The following ZNF830 variants were observed in gnomAD, a reference collection of about 807,000 sequenced individuals.
ZNF830 encodes the protein zinc finger protein 830.
ZNF830 carries 15 observed loss-of-function variants against 28.1 expected under a neutral mutation model. The ratio of observed to expected loss-of-function variants is 0.53; its 90% CI spans 0.36 to 0.82. The LOEUF (loss-of-function observed/expected upper bound fraction) is 0.82, where lower values mean the gene tolerates loss of function less well. ZNF830 is among the 40% of genes least tolerant of loss of function. The pLI, the probability that ZNF830 is intolerant of heterozygous loss-of-function variation, is 0.01. For synonymous variants in ZNF830, 208 were observed against 185.3 expected (o/e 1.12, Z -0.99); for missense variants, 456 against 467.7 (o/e 0.97, Z 0.23).
Position 34,962,589 on chromosome 17 carries a change from G to T in ZNF830, c.1023G>T (p.Leu341=). 2 of 1,613,680 alleles carry T rather than the reference G, an allele frequency of 1.2e-6. No homozygotes were observed. Among genetic ancestry groups the T allele is most frequent in the African/African-American group, 1.3e-5 (1 of 74,924 alleles). ...KLKEILTIKE[L]QKKEEENADS... ...AAGAAATCCTGACCATAAAAGAACT[G>T]CAGAAAAAGGAAGAAGAGAATGCTG... Residue 341 remains leucine, a synonymous_variant, in exon 1 of 1, where the codon CTG becomes CTT. Transcript: ENST00000361952.
In ZNF830 at chr17:34,961,810, C is replaced by T; in HGVS notation, c.244C>T (p.Leu82=). ...GKQHREKVAE[L]KGAKEASQGS... is the part of the protein sequence containing the mutation. ...GCAGCACCGAGAGAAAGTGGCCGAG[C>T]TGAAAGGCGCGAAGGAAGCCAGCCA... The change falls in exon 1 of 1, where the codon CTG becomes TTG. Residue 82 remains leucine (L), a synonymous_variant. Coordinates refer to ENST00000361952, the MANE Select transcript of ZNF830 (RefSeq NM_052857.4). 2.5e-6 allele frequency: 4 copies of T among 1,613,944 alleles called. No individual in the cohort carries two copies. Among genetic ancestry groups the T allele is most frequent in the Non-Finnish European group, 3.4e-6 (4 of 1,180,006 alleles).
Position 34,962,378 on chromosome 17 carries a change from A to C in ZNF830, c.812A>C (p.Asp271Ala). Residue 271 changes from aspartate to alanine, a missense_variant, in exon 1 of 1, where the codon GAC becomes GCC. Coordinates refer to ENST00000361952, the MANE Select transcript of ZNF830 (RefSeq NM_052857.4). ...RKVDAPKDQMDKEWDEFQKAM... is the reference protein window; with the variant it reads ...RKVDAPKDQMAKEWDEFQKAM... ...GTTGATGCTCCAAAAGATCAGATGGACAAAGAGTGGGACGAATTCCAAAAA... is the reference window on the plus strand; with the variant it reads ...GTTGATGCTCCAAAAGATCAGATGGCCAAAGAGTGGGACGAATTCCAAAAA... 1 of 1,614,166 alleles carries C rather than the reference A, an allele frequency of 6.2e-7. No individual in the cohort carries two copies. Among genetic ancestry groups the C allele is most frequent in the Non-Finnish European group, 8.5e-7 (1 of 1,180,044 alleles).
At position 34,962,419 on chromosome 17, in the gene ZNF830, A is replaced by G. The variant is rs374059343; in HGVS notation, c.853A>G (p.Asn285Asp). Reference protein sequence around the residue: ...DEFQKAMRQVNTISEAIVAEE... With the variant: ...DEFQKAMRQVDTISEAIVAEE... ...ATTCCAAAAAGCCATGAGGCAGGTC[A>G]ACACTATTTCCGAAGCCATAGTTGC... Residue 285 changes from asparagine (N) to aspartate (D), a missense_variant, in exon 1 of 1, where the codon AAC becomes GAC. This residue lies in a region of ZNF830 where 125 missense variants were observed against 177.7 expected (regional missense o/e 0.70). Coordinates refer to ENST00000361952, the MANE Select transcript of ZNF830 (RefSeq NM_052857.4). The G allele has an allele frequency of 7.2e-5, 117 of 1,614,100 alleles. No individual in the cohort carries two copies. Among genetic ancestry groups the G allele is most frequent in the Non-Finnish European group, 9.7e-5 (114 of 1,180,054 alleles).
rs2090434930 is a variant in ZNF830 at position 34,962,780 on chromosome 17, G to A, written c.*95G>A. The A allele has an allele frequency of 6.8e-7, 1 of 1,477,568 alleles. No homozygotes were observed. The highest frequency in any genetic ancestry group is 1.4e-5 in the African/African-American group (1 of 70,256). The allele number at this position is 1,477,568 out of a possible 1,614,324, so 91.5% of individuals were successfully genotyped here. Reference sequence around the variant, plus strand: ...GCGGTTACTTCATGCCTCAAGATTTGGGTACCTGGATTGCTAAACTGGATT... The same window carrying A: ...GCGGTTACTTCATGCCTCAAGATTTAGGTACCTGGATTGCTAAACTGGATT... On this transcript the variant is annotated 3_prime_UTR_variant, in exon 1 of 1. Coordinates refer to ENST00000361952, the MANE Select transcript of ZNF830 (RefSeq NM_052857.4).
Position 34,962,782 on chromosome 17 carries a change from G to T in ZNF830, c.*97G>T. 6.8e-7 allele frequency: 1 copy of T among 1,476,264 alleles called. No individual in the cohort carries two copies. Among genetic ancestry groups the T allele is most frequent in the Non-Finnish European group, 9.0e-7 (1 of 1,116,024 alleles). The allele number at this position is 1,476,264 out of a possible 1,614,324, so 91.4% of individuals were successfully genotyped here. ...GGTTACTTCATGCCTCAAGATTTGG[G>T]TACCTGGATTGCTAAACTGGATTGT... On this transcript the variant is annotated 3_prime_UTR_variant, in exon 1 of 1. Transcript: ENST00000361952.
chr17:34,962,399 A>G lies in ZNF830; in HGVS notation c.833A>G (p.Gln278Arg), dbSNP rs2090431373. Residue 278 changes from glutamine to arginine, a missense_variant, in exon 1 of 1, where the codon CAA (glutamine) becomes CGA (arginine). Gln to Arg is a conservative substitution (Grantham distance 43, BLOSUM62 1). This residue lies in a region of ZNF830 where 125 missense variants were observed against 177.7 expected (regional missense o/e 0.70). Transcript: ENST00000361952. ...DQMDKEWDEF[Q>R]KAMRQVNTIS... Reference sequence around the variant, plus strand: ...ATGGACAAAGAGTGGGACGAATTCCAAAAAGCCATGAGGCAGGTCAACACT... The same window carrying G: ...ATGGACAAAGAGTGGGACGAATTCCGAAAAGCCATGAGGCAGGTCAACACT... The G allele has an allele frequency of 6.2e-7, 1 of 1,614,110 alleles. No individual in the cohort carries two copies. Among genetic ancestry groups the G allele is most frequent in the African/African-American group, 1.3e-5 (1 of 74,930 alleles).
Position 34,962,762 on chromosome 17 carries a change from C to G in ZNF830, c.*77C>G, listed in dbSNP as rs2090434832. On this transcript the variant is annotated 3_prime_UTR_variant, in exon 1 of 1. Coordinates refer to ENST00000361952, the MANE Select transcript of ZNF830 (RefSeq NM_052857.4). ...CTGTCTCTCAGTAGTATAGCGGTTA[C>G]TTCATGCCTCAAGATTTGGGTACCT... 1 of 1,491,066 alleles carries G rather than the reference C, an allele frequency of 6.7e-7. No homozygotes were observed. The highest frequency in any genetic ancestry group is 2.4e-5 in the East Asian group (1 of 42,472). The allele number at this position is 1,491,066 out of a possible 1,614,324, so 92.4% of individuals were successfully genotyped here.
At position 34,962,295 on chromosome 17, in the gene ZNF830, G is replaced by A. The variant is rs2090430249; in HGVS notation, c.729G>A (p.Ala243=). The A allele has an allele frequency of 6.2e-7, 1 of 1,613,992 alleles. No homozygotes were observed. Among genetic ancestry groups the A allele is most frequent in the South Asian group, 1.1e-5 (1 of 91,086 alleles). ...EKVVERRENT[A]EALPEGFFDD... Reference sequence around the variant, plus strand: ...TGGTGGAAAGGAGAGAAAACACCGCGGAAGCGTTACCGGAAGGTTTTTTTG... The same window carrying A: ...TGGTGGAAAGGAGAGAAAACACCGCAGAAGCGTTACCGGAAGGTTTTTTTG... Residue 243 remains alanine, a synonymous_variant, in exon 1 of 1, where the codon GCG becomes GCA. Transcript: ENST00000361952.
In ZNF830 at chr17:34,962,537, G is replaced by A; in HGVS notation, c.971G>A (p.Arg324His). 6.2e-7 allele frequency: 1 copy of A among 1,614,052 alleles called. No homozygotes were observed. Among genetic ancestry groups the A allele is most frequent in the Non-Finnish European group, 8.5e-7 (1 of 1,180,006 alleles). Residue 324 changes from arginine to histidine, a missense_variant, in exon 1 of 1, where the codon CGC becomes CAC. By Grantham distance (29) the Arg-to-His change is conservative. Around this residue, in one of 2 missense-constraint regions of ZNF830, gnomAD observed 125 missense variants for 177.7 expected, o/e 0.70. Coordinates refer to ENST00000361952, the MANE Select transcript of ZNF830 (RefSeq NM_052857.4). ...CGACGGGTGGAAAAGCTACGGAATC[G>A]CCAGGATGAAATAAAAAATAAACTT... ...CYRRVEKLRN[R>H]QDEIKNKLKE...
In ZNF830 at chr17:34,962,353, G is replaced by T. The variant is rs2090431015; in HGVS notation, c.787G>T (p.Val263Phe). The stretch of plus-strand genomic sequence containing the variant: ...TGAGGTAGATGCAAGAGTACGAAAG[G>T]TTGATGCTCCAAAAGATCAGATGGA... The part of the protein sequence containing the change: ...DPEVDARVRK[V>F]DAPKDQMDKE... The change falls in exon 1 of 1, where the codon GTT (valine) becomes TTT (phenylalanine). Residue 263 changes from valine (V) to phenylalanine (F), a missense_variant. Physicochemically the swap from Val to Phe is conservative, Grantham distance 50. Transcript: ENST00000361952. 6.2e-7 allele frequency: 1 copy of T among 1,614,054 alleles called. No homozygotes were observed. Among genetic ancestry groups the T allele is most frequent in the Non-Finnish European group, 8.5e-7 (1 of 1,180,050 alleles).
In ZNF830 at chr17:34,963,012, TTTAA is replaced by T. The variant is rs1258672554; in HGVS notation, c.*333_*336del. 2 of 211,084 alleles carry T rather than the reference TTTAA, an allele frequency of 9.5e-6. No homozygotes were observed. Among genetic ancestry groups the T allele is most frequent in the African/African-American group, 2.3e-5 (1 of 42,906 alleles). The allele number at this position is 211,084 out of a possible 1,614,324, so 13.1% of individuals were successfully genotyped here. ...AAATCTGTATTCTGTTTTGAATTTT[TTTAA>T]TTAATAGAAAGACCAACCGGCAAAC... On this transcript the variant is annotated 3_prime_UTR_variant, in exon 1 of 1. Coordinates refer to ENST00000361952, the MANE Select transcript of ZNF830 (RefSeq NM_052857.4).
rs558485297 is a variant in ZNF830, at chr17:34,962,980, C to T, written c.*295C>T. The T allele has an allele frequency of 3.5e-6, 1 of 289,342 alleles. No individual in the cohort carries two copies. Among genetic ancestry groups the T allele is most frequent in the Non-Finnish European group, 6.6e-6 (1 of 150,994 alleles). The allele number at this position is 289,342 out of a possible 1,614,324, so 17.9% of individuals were successfully genotyped here. On this transcript the variant is annotated 3_prime_UTR_variant, in exon 1 of 1. Coordinates refer to ENST00000361952, the MANE Select transcript of ZNF830 (RefSeq NM_052857.4). ...AAATCTGTAAGTTGTAAATATTGTA[C>T]ATAGTTAAATCTGTATTCTGTTTTG...
At position 34,962,107 on chromosome 17, in the gene ZNF830, A is replaced by T. The variant is rs932468622; in HGVS notation, c.541A>T (p.Ser181Cys). ...GDGERKRGDA[S>C]KPLSDAQGKE... ...TGGAGAAAGAAAAAGGGGGGACGCC[A>T]GCAAGCCGCTCTCCGACGCACAGGG... Residue 181 changes from serine to cysteine, a missense_variant, in exon 1 of 1, where the codon AGC (serine) becomes TGC (cysteine). By Grantham distance (112) the Ser-to-Cys change is moderately radical (BLOSUM62 -1). Coordinates refer to ENST00000361952, the MANE Select transcript of ZNF830 (RefSeq NM_052857.4). 3 of 1,614,154 alleles carry T rather than the reference A, an allele frequency of 1.9e-6. No homozygotes were observed. Among genetic ancestry groups the T allele is most frequent in the Non-Finnish European group, 2.5e-6 (3 of 1,180,014 alleles).
Position 34,961,881 on chromosome 17 carries a change from G to A in ZNF830, c.315G>A (p.Ala105=). The A allele has an allele frequency of 1.9e-6, 3 of 1,614,104 alleles. No individual in the cohort carries two copies. The highest frequency in any genetic ancestry group is 2.5e-6 in the Non-Finnish European group (3 of 1,180,016). ...SSAPHSVKRK[A]PDADDQDVKR... is the part of the protein sequence containing the mutation. Reference sequence around the variant, plus strand: ...CGCCTCATTCCGTCAAGAGGAAAGCGCCGGACGCAGACGACCAAGATGTCA... The same window carrying A: ...CGCCTCATTCCGTCAAGAGGAAAGCACCGGACGCAGACGACCAAGATGTCA... The change falls in exon 1 of 1, where the codon GCG becomes GCA. Residue 105 remains alanine, a synonymous_variant. Coordinates refer to ENST00000361952, the MANE Select transcript of ZNF830 (RefSeq NM_052857.4).
In ZNF830 at chr17:34,962,181, G is replaced by A. The variant is rs1455513346; in HGVS notation, c.615G>A (p.Leu205=). 2 of 1,614,100 alleles carry A rather than the reference G, an allele frequency of 1.2e-6. No individual in the cohort carries two copies. Among genetic ancestry groups the A allele is most frequent in the Admixed American group, 1.7e-5 (1 of 60,022 alleles). The part of the protein sequence containing the change: ...SSSREVTSSV[L]PNDFFSTNPP... Reference sequence around the variant, plus strand: ...CACGGGAGGTAACAAGTAGTGTGCTGCCAAACGATTTCTTTAGTACTAATC... The same window carrying A: ...CACGGGAGGTAACAAGTAGTGTGCTACCAAACGATTTCTTTAGTACTAATC... The change falls in exon 1 of 1, where the codon CTG becomes CTA. Residue 205 remains leucine, a synonymous_variant. Coordinates refer to ENST00000361952, the MANE Select transcript of ZNF830 (RefSeq NM_052857.4).
In ZNF830 at chr17:34,963,083, C is replaced by T. The variant is rs2090437841; in HGVS notation, c.*398C>T. Reference sequence around the variant, plus strand: ...ACTGTGGTATTTGGAATGTATGTATCTTCTGAACCCTACATCAAGTTGAAA... The same window carrying T: ...ACTGTGGTATTTGGAATGTATGTATTTTCTGAACCCTACATCAAGTTGAAA... On this transcript the variant is annotated 3_prime_UTR_variant, in exon 1 of 1. Coordinates refer to ENST00000361952, the MANE Select transcript of ZNF830 (RefSeq NM_052857.4). 1 of 174,620 alleles carries T rather than the reference C, an allele frequency of 5.7e-6. No homozygotes were observed. Among genetic ancestry groups the T allele is most frequent in the African/African-American group, 2.4e-5 (1 of 41,648 alleles). The allele number at this position is 174,620 out of a possible 1,614,324, so 10.8% of individuals were successfully genotyped here. A position where few individuals can be genotyped will look rare whatever the true frequency, so the allele number is the denominator to read the frequency against.
Position 34,961,618 on chromosome 17 carries a change from C to G in ZNF830, c.52C>G (p.Gln18Glu), listed in dbSNP as rs200110878. The G allele has an allele frequency of 6.2e-7, 1 of 1,614,128 alleles. No homozygotes were observed. The highest frequency in any genetic ancestry group is 1.1e-5 in the South Asian group (1 of 91,076). Residue 18 changes from glutamine (Q) to glutamate (E), a missense_variant, in exon 1 of 1, where the codon CAG (glutamine) becomes GAG (glutamate). Around this residue, in one of 2 missense-constraint regions of ZNF830, gnomAD observed 331 missense variants for 290.1 expected, o/e 1.14. Coordinates refer to ENST00000361952, the MANE Select transcript of ZNF830 (RefSeq NM_052857.4). ...TCCGGCAGGGAAGCGAGTGATAAAT[C>G]AGGAAGAATTGCGGCGGTTAATGAA... Reference protein sequence around the residue: ...RTPAGKRVINQEELRRLMKEK... With the variant: ...RTPAGKRVINEEELRRLMKEK...
At position 34,962,376 on chromosome 17, in the gene ZNF830, G is replaced by C. The variant is rs1372768393; in HGVS notation, c.810G>C (p.Met270Ile). The change falls in exon 1 of 1, where the codon ATG (methionine) becomes ATC (isoleucine). Residue 270 changes from methionine (M) to isoleucine (I), a missense_variant. Around this residue, in one of 2 missense-constraint regions of ZNF830, gnomAD observed 125 missense variants for 177.7 expected, o/e 0.70. Coordinates refer to ENST00000361952, the MANE Select transcript of ZNF830 (RefSeq NM_052857.4). ...AGGTTGATGCTCCAAAAGATCAGAT[G>C]GACAAAGAGTGGGACGAATTCCAAA... ...VRKVDAPKDQMDKEWDEFQKA... is the reference protein window; with the variant it reads ...VRKVDAPKDQIDKEWDEFQKA... 1 of 1,613,988 alleles carries C rather than the reference G, an allele frequency of 6.2e-7. No individual in the cohort carries two copies. Among genetic ancestry groups the C allele is most frequent in the African/African-American group, 1.3e-5 (1 of 74,886 alleles).
In ZNF830 at chr17:34,962,126, C is replaced by T. The variant is rs140606448; in HGVS notation, c.560C>T (p.Ala187Val). The T allele has an allele frequency of 6.2e-7, 1 of 1,614,144 alleles. No individual in the cohort carries two copies. Among genetic ancestry groups the T allele is most frequent in the East Asian group, 2.2e-5 (1 of 44,886 alleles). ...GACGCCAGCAAGCCGCTCTCCGACG[C>T]ACAGGGCAAGGAGCACTCAGTTTCC... ...RGDASKPLSD[A>V]QGKEHSVSSS... The change falls in exon 1 of 1, where the codon GCA becomes GTA. Residue 187 changes from alanine (A) to valine (V), a missense_variant. Physicochemically the swap from Ala to Val is moderately conservative, Grantham distance 64 (BLOSUM62 0). Transcript: ENST00000361952.
Sources: allele counts gnomAD v4.1 joint callset, GRCh38; gene constraint gnomAD v4.1.1; regional missense constraint gnomAD v4.1.1; transcripts MANE v1.5; gene names NCBI Gene and HGNC (gene_info 2026-07-23, HGNC 2026-07-21).